Variants in NAA15 observed in about 807,000 individuals in gnomAD.
NAA15 encodes N-alpha-acetyltransferase 15, NatA auxiliary subunit.
A neutral mutation model predicts 114.0 loss-of-function variants in NAA15; 34 were observed. The observed-to-expected ratio is 0.30, with a 90% confidence interval of 0.23 to 0.40. The LOEUF is 0.40. Among genes scored for constraint, NAA15 ranks in the 10% least tolerant of loss-of-function variants. The pLI is 1.00. For missense variants in NAA15, 658 were observed against 1,004.5 expected (o/e 0.66, Z 4.66); for synonymous variants, 340 against 338.0 (o/e 1.01, Z -0.06).
chr4:139,326,463 T>C (rs747815628), intron 1 of NAA15, among the ~76,000 whole-genome samples: 22 of 152,236 alleles, frequency 1.4e-4, no homozygotes, highest in Non-Finnish European at 3.1e-4. Flanking sequence ...TTTCTCATGA[T>C]TGCTCTCCAT....
chr4:139,311,451 C>T (rs867336872), intron 1 of NAA15, among the ~76,000 whole-genome samples: 15 of 151,988 alleles, frequency 9.9e-5, no homozygotes, highest in Middle Eastern at 6.8e-3. Flanking sequence ...TTACAGAGTA[C>T]ATTAGTGTAT....
chr4:139,305,641 A>G (rs1745987357), intron 1 of NAA15, among the ~76,000 whole-genome samples: 3 of 151,346 alleles, frequency 2.0e-5, no homozygotes. Flanking sequence ...GGGTTCAAGC[A>G]GTTCTGCTTC....
In NAA15 at chr4:139,322,910, C is replaced by T. The variant is rs143578089; in HGVS notation, c.55-11264C>T. 2.5e-3 allele frequency among the ~76,000 whole-genome samples: 380 copies of T among 152,084 alleles called. 2 individuals are homozygous for T. Among genetic ancestry groups the T allele is most frequent in the African/African-American group, 8.3e-3 (345 of 41,498 alleles). ...TTCACCGTGTTGGCCAGGTTGGTCT[C>T]GAACTCCTGACCTCAAGTGACCCGC... is the stretch of plus-strand genomic sequence containing the variant. On this transcript the variant is annotated intron_variant, in intron 1 of 19. Coordinates refer to ENST00000296543, the MANE Select transcript of NAA15 (RefSeq NM_057175.5).
intron 7 of NAA15, 24 bp downstream of exon 7, chr4:139,349,605 A>G: frequency 6.3e-7 from 1 of 1,575,936 alleles, no homozygotes; most frequent in Non-Finnish European, 8.6e-7. Flanking sequence ...AAACTTACTA[A>G]GTTTTATTGT....
At chr4:139,327,058 C>T (rs1022358511) in intron 1 of NAA15, among the ~76,000 whole-genome samples, 2 of 152,080 alleles carry the variant, frequency 1.3e-5, no homozygotes, top group African/African-American at 4.8e-5. Flanking sequence ...GCCTCAGCCT[C>T]CTGAGTAGTT....
At chr4:139,327,480 T>C (rs572575419) in intron 1 of NAA15, among the ~76,000 whole-genome samples, 3 of 152,012 alleles carry the variant, frequency 2.0e-5, no homozygotes, top group African/African-American at 7.2e-5. Flanking sequence ...TCTCGAACTC[T>C]TGACCTTAGG....
At chr4:139,314,963 A>G (rs1182668542) in intron 1 of NAA15, among the ~76,000 whole-genome samples, 2 of 124,076 alleles carry the variant, frequency 1.6e-5, no homozygotes, top group African/African-American at 3.1e-5. Flanking sequence ...GGCATGAGCA[A>G]CCACACCCGG....
intron 1 of NAA15, among the ~76,000 whole-genome samples, chr4:139,305,688 C>T (rs972251508): frequency 1.3e-5 from 2 of 152,040 alleles, no homozygotes; most frequent in African/African-American, 4.8e-5. Context: ...GCGTGTGCCA[C>T]CACACCTAGC....
chr4:139,370,523 A>T, intron 15 of NAA15, 119 bp downstream of exon 15: 1 of 894,126 alleles, frequency 1.1e-6, no homozygotes, highest in Non-Finnish European at 1.5e-6. Flanking sequence ...AGAGCCAAAA[A>T]TTATTTTATT....
At position 139,301,655 on chromosome 4, in the gene NAA15, C is replaced by T. The variant is rs1176295511; in HGVS notation, c.-123C>T. ...AGGGCAACGCGGCGACACCCGAGGC[C>T]TGGTGGTGGCGGCGGATCGAGATAT... On this transcript the variant is annotated 5_prime_UTR_variant, in exon 1 of 20. Coordinates refer to ENST00000296543, the MANE Select transcript of NAA15 (RefSeq NM_057175.5). The T allele has an allele frequency of 5.1e-6, 6 of 1,171,698 alleles. No individual in the cohort carries two copies. The African/African-American group carries it at 6.1e-5, about 12-fold the overall frequency. The allele number at this position is 1,171,698 out of a possible 1,614,324, so 72.6% of individuals were successfully genotyped here.
At chr4:139,308,030 C>T (rs1443294785) in intron 1 of NAA15, among the ~76,000 whole-genome samples, 5 of 152,026 alleles carry the variant, frequency 3.3e-5, no homozygotes, top group Admixed American at 1.3e-4. Flanking sequence ...GGTGCAATCT[C>T]GGCTCATTGC....
chr4:139,349,667 A>G, intron 7 of NAA15, 86 bp downstream of exon 7: 1 of 1,332,406 alleles, frequency 7.5e-7, no homozygotes, highest in South Asian at 1.4e-5. Context: ...CAACTAGAAT[A>G]ATAGTGGTTA....
At chr4:139,362,226 A>G (rs1748153233) in intron 14 of NAA15, among the ~76,000 whole-genome samples, 1 of 152,260 alleles carries the variant, frequency 6.6e-6, no homozygotes, top group African/African-American at 2.4e-5. Context: ...TACAGGTACT[A>G]GATTGCTAAT....
rs1235236537 is a variant in NAA15, at chr4:139,326,997, G to A, written c.55-7177G>A. 3.3e-5 allele frequency among the ~76,000 whole-genome samples: 5 copies of A among 151,954 alleles called. No homozygotes were observed. The East Asian group carries it at 9.6e-4, about 29-fold the overall frequency. On this transcript the variant is annotated intron_variant, in intron 1 of 19. Transcript: ENST00000296543. Reference sequence around the variant, plus strand: ...CTTGCCCAGGCTGGGGTGCAGTGGTGTGACCATAGTTCACTGCAGCCTCAA... The same window carrying A: ...CTTGCCCAGGCTGGGGTGCAGTGGTATGACCATAGTTCACTGCAGCCTCAA...
Position 139,357,551 on chromosome 4 carries a change from A to G in NAA15, c.1253A>G (p.Tyr418Cys), listed in dbSNP as rs371245885. The G allele has an allele frequency of 1.1e-5, 17 of 1,589,560 alleles. No homozygotes were observed. The highest frequency in any genetic ancestry group is 4.5e-5 in the East Asian group (2 of 44,626). ...CTCTTTCTCGTGAAAGCTAAAATCT[A>G]TAAGGTAAAAATCTTTTTTTCTATT... ...IELFLVKAKI[Y>C]KHAGNIKEAA... The change falls in exon 11 of 20, where the codon TAT (tyrosine) becomes TGT (cysteine). Residue 418 changes from tyrosine to cysteine, a missense_variant. Transcript: ENST00000296543.
intron 17 of NAA15, among the ~76,000 whole-genome samples, chr4:139,381,953 T>A (rs75242059): frequency 6.6e-6 from 1 of 152,194 alleles, no homozygotes; most frequent in African/African-American, 2.4e-5. Context: ...TCAAGACTTA[T>A]TACTCTTTCA....
At chr4:139,315,011 G>GTTTAGTTTAGTTTAGTTTAGT (rs59026436) in intron 1 of NAA15, among the ~76,000 whole-genome samples, 8,050 of 86,474 alleles carry the variant, frequency 0.093, 748 homozygotes, top group South Asian at 0.17. Context: ...TTTAGTTTAG[G>GTTTAGTTTAGTTTAGTTTAGT]TTAGGTTAGG....
intron 1 of NAA15, among the ~76,000 whole-genome samples, chr4:139,322,988 G>A (rs1429059307): frequency 6.6e-6 from 1 of 151,414 alleles, no homozygotes; most frequent in Non-Finnish European, 1.5e-5. Flanking sequence ...ACCGCTCCCA[G>A]CCTCAGCTTA....
In NAA15 at chr4:139,351,561, T is replaced by G; in HGVS notation, c.964T>G (p.Cys322Gly). ...KFLRMNFSKG[C>G]PPVFNTLRSL... ...CCTAAGGATGAATTTCAGCAAGGGT[T>G]GCCCACCAGTCTTCAATACTTTAAG... is the stretch of plus-strand genomic sequence containing the variant. The change falls in exon 9 of 20, where the codon TGC (cysteine) becomes GGC (glycine). Residue 322 changes from cysteine to glycine, a missense_variant. By Grantham distance (159) the Cys-to-Gly change is radical. Transcript: ENST00000296543. 2 of 1,607,516 alleles carry G rather than the reference T, an allele frequency of 1.2e-6. No individual in the cohort carries two copies. The highest frequency in any genetic ancestry group is 1.7e-6 in the Non-Finnish European group (2 of 1,174,088).
Sources: allele counts gnomAD v4.1 joint callset (sites outside exome capture counted in the v4.1 genomes callset), GRCh38; gene constraint gnomAD v4.1.1; transcripts MANE v1.5; gene names NCBI Gene and HGNC (gene_info 2026-07-23, HGNC 2026-07-21).